Variants in AGMO observed in about 807,000 individuals in gnomAD.
AGMO encodes the protein glyceryl-ether monooxygenase.
A neutral mutation model predicts 60.2 loss-of-function variants in AGMO; 75 were observed. The ratio of observed to expected loss-of-function variants is 1.25; its 90% CI spans 1.03 to 1.51. The LOEUF (loss-of-function observed/expected upper bound fraction) is 1.51, where lower values mean the gene tolerates loss of function less well. Among genes scored for constraint, AGMO ranks in the 40% most tolerant of loss-of-function variants. AGMO has a pLI of 0.00. For missense variants in AGMO, 763 were observed against 525.5 expected (o/e 1.45, Z -4.42); for synonymous variants, 261 against 177.1 (o/e 1.47, Z -3.76).
intron 12 of AGMO, among the ~76,000 whole-genome samples, chr7:15,274,050 C>T (rs1783703837): frequency 6.6e-6 from 1 of 152,154 alleles, no homozygotes; most frequent in African/African-American, 2.4e-5. Context: ...TCTGAATATA[C>T]AATCATGTCA....
intron 10 of AGMO, among the ~76,000 whole-genome samples, chr7:15,380,508 A>G (rs1336354872): frequency 6.6e-6 from 1 of 152,122 alleles, no homozygotes; most frequent in Non-Finnish European, 1.5e-5. Context: ...AAGAAATCGG[A>G]TATTGACACA....
chr7:15,506,111 A>G (rs77533786), intron 3 of AGMO, among the ~76,000 whole-genome samples: 2,318 of 152,194 alleles, frequency 0.015, 60 homozygotes, highest in African/African-American at 0.053. Flanking sequence ...TCAAAAGTAG[A>G]GTCAAATTAT....
the AGMO span, among the ~76,000 whole-genome samples, chr7:15,155,060 T>C: frequency 2.6e-5 from 4 of 152,208 alleles, no homozygotes; most frequent in African/African-American, 7.2e-5. Flanking sequence ...TTGTAGAATC[T>C]GATGACTATG....
chr7:15,211,944 T>A (rs1376752622), intron 12 of AGMO, among the ~76,000 whole-genome samples: 1 of 151,994 alleles, frequency 6.6e-6, no homozygotes, highest in East Asian at 1.9e-4. Context: ...AATGCCATGA[T>A]ACATTTTTGG....
At chr7:15,371,538 C>T (rs1170794841) in intron 10 of AGMO, among the ~76,000 whole-genome samples, 1 of 151,872 alleles carries the variant, frequency 6.6e-6, no homozygotes, top group African/African-American at 2.4e-5. Context: ...TTACAGGCAC[C>T]TACCACCTTA....
chr7:15,295,584 C>T (rs1190277678), intron 12 of AGMO, among the ~76,000 whole-genome samples: 2 of 151,914 alleles, frequency 1.3e-5, no homozygotes, highest in East Asian at 1.9e-4. Context: ...ATTTAATCCT[C>T]GCTATTAATA....
intron 12 of AGMO, among the ~76,000 whole-genome samples, chr7:15,341,790 G>T (rs1478563011): frequency 1.3e-5 from 2 of 152,144 alleles, no homozygotes; most frequent in Non-Finnish European, 2.9e-5. Flanking sequence ...CATGGCAGAA[G>T]GCAAAGGAGG....
At chr7:15,539,953 G>T (rs1784580717) in intron 3 of AGMO, among the ~76,000 whole-genome samples, 1 of 152,114 alleles carries the variant, frequency 6.6e-6, no homozygotes, top group South Asian at 2.1e-4. Flanking sequence ...TGAGGAGGCT[G>T]CCTGTATCAG....
intron 5 of AGMO, among the ~76,000 whole-genome samples, chr7:15,395,810 A>T (rs35127386): frequency 0.35 from 52,749 of 152,112 alleles, 9,526 homozygotes; most frequent in African/African-American, 0.45. Context: ...TATCTCTAAT[A>T]CAAAACTCTT....
chr7:15,396,891 G>A (rs751147147), intron 5 of AGMO, among the ~76,000 whole-genome samples: 1 of 152,110 alleles, frequency 6.6e-6, no homozygotes, highest in South Asian at 2.1e-4. Context: ...TAGTGCGTTT[G>A]CAATCCTTTA....
intron 4 of AGMO, among the ~76,000 whole-genome samples, chr7:15,428,911 C>T (rs1324789608): frequency 6.6e-6 from 1 of 151,916 alleles, no homozygotes; most frequent in African/African-American, 2.4e-5. Context: ...GGAGACCAGC[C>T]ATATATCCAG....
At chr7:15,376,160 A>C (rs1231540561) in intron 10 of AGMO, among the ~76,000 whole-genome samples, 2 of 152,076 alleles carry the variant, frequency 1.3e-5, no homozygotes, top group African/African-American at 4.8e-5. Context: ...TTGTATTATA[A>C]TTGATGCTCA....
intron 2 of AGMO, 99 bp downstream of exon 2, chr7:15,560,042 G>A (rs1253378965): frequency 1.7e-6 from 2 of 1,193,882 alleles, no homozygotes; most frequent in African/African-American, 3.1e-5. Flanking sequence ...GGGAAAATTT[G>A]TGTAAATAAA....
intron 5 of AGMO, among the ~76,000 whole-genome samples, chr7:15,394,969 A>G (rs987683688): frequency 1.3e-5 from 2 of 152,226 alleles, no homozygotes; most frequent in African/African-American, 4.8e-5. Flanking sequence ...TATAAATTCT[A>G]AAAATCATAG....
intron 12 of AGMO, among the ~76,000 whole-genome samples, chr7:15,250,335 A>G (rs907726141): frequency 6.6e-6 from 1 of 152,208 alleles, no homozygotes; most frequent in African/African-American, 2.4e-5. Context: ...TAAGAAAATC[A>G]GATTCATATA....
At chr7:15,535,765 C>T (rs1784470660) in intron 3 of AGMO, among the ~76,000 whole-genome samples, 1 of 151,946 alleles carries the variant, frequency 6.6e-6, no homozygotes, top group African/African-American at 2.4e-5. Context: ...TCCATCACTA[C>T]ACATATTTAT....
At chr7:15,198,704 A>AAAATC (rs777964725), downstream of AGMO, among the ~76,000 whole-genome samples, 2 of 152,070 alleles carry the variant, frequency 1.3e-5, no homozygotes, top group South Asian at 2.1e-4. Flanking sequence ...GTCAGAGATA[A>AAAATC]AAATCAAAGA....
Position 15,385,513 on chromosome 7 carries a change from T to C in AGMO, c.1007A>G (p.Lys336Arg), listed in dbSNP as rs1290003001. Residue 336 changes from lysine (K) to arginine (R), a missense_variant, in exon 10 of 13, where the codon AAG becomes AGG. By Grantham distance (26) the Lys-to-Arg change is conservative (BLOSUM62 2). Transcript: ENST00000342526. ...PFSSSSSQLLKIYTVVQFALM... is the reference protein window; with the variant it reads ...PFSSSSSQLLRIYTVVQFALM... ...AGCAAACTGTACAACTGTATATATC[T>C]TTAATAGCTGAGATGAAGATGATGA... 2 of 1,613,410 alleles carry C rather than the reference T, an allele frequency of 1.2e-6. No individual in the cohort carries two copies. The highest frequency in any genetic ancestry group is 4.5e-5 in the East Asian group (2 of 44,816).
At chr7:15,133,613 A>ATT in the AGMO span, among the ~76,000 whole-genome samples, 1 of 151,764 alleles carries the variant, frequency 6.6e-6, no homozygotes, top group African/African-American at 2.4e-5. Flanking sequence ...AGGAGCTAGG[A>ATT]TTTTTTTTTG....
Sources: allele counts gnomAD v4.1 joint callset (sites outside exome capture counted in the v4.1 genomes callset), GRCh38; gene constraint gnomAD v4.1.1; transcripts MANE v1.5; gene names NCBI Gene and HGNC (gene_info 2026-07-23, HGNC 2026-07-21).